The following NPHP4 variants were observed in gnomAD, a reference collection of about 807,000 sequenced individuals.
NPHP4 encodes the protein nephrocystin 4, also known as nephrocystin-4.
NPHP4 carries 151 observed loss-of-function variants against 155.8 expected under a neutral mutation model. That is an observed-to-expected ratio of 0.97 (90% CI 0.85 to 1.11). The LOEUF (loss-of-function observed/expected upper bound fraction) is 1.11, where lower values mean the gene tolerates loss of function less well. Ranked by LOEUF, NPHP4 falls within the 50% of genes least tolerant of loss-of-function variation. The probability of loss-of-function intolerance (pLI) is 0.00; values close to 1 mark genes in which losing one functional copy is unlikely to be tolerated. For missense variants in NPHP4, 1,956 were observed against 1,925.7 expected (o/e 1.02, Z -0.29); for synonymous variants, 845 against 816.8 (o/e 1.03, Z -0.59).
chr1:5,970,043 C>A (rs1475149902), intron 3 of NPHP4, among the ~76,000 whole-genome samples: 7 of 152,158 alleles, frequency 4.6e-5, no homozygotes, highest in East Asian at 1.9e-4. Flanking sequence ...CCAGCCTCTG[C>A]CTCCGCCTTC....
At chr1:5,897,525 C>T (rs996205526) in intron 16 of NPHP4, among the ~76,000 whole-genome samples, 1 of 152,132 alleles carries the variant, frequency 6.6e-6, no homozygotes, top group Non-Finnish European at 1.5e-5. Context: ...CCGTCGCTCC[C>T]GGCATTCAAG....
chr1:5,963,787 A>C (rs1650828755), intron 5 of NPHP4, among the ~76,000 whole-genome samples: 1 of 150,492 alleles, frequency 6.6e-6, no homozygotes, highest in African/African-American at 2.5e-5. Context: ...TCCCGAGTTC[A>C]AGCAATTCTC....
Position 5,890,868 on chromosome 1 carries a change from C to A in NPHP4, c.2304G>T (p.Lys768Asn). ...GCCTGTCCTTCCAGAGAGCCGCTAC[C>A]TTCATCTGGACGGCAGCAGATCCGA... is the stretch of plus-strand genomic sequence containing the variant. The part of the protein sequence containing the change: ...LLIGSAAVQM[K>N]HLLRQGRPAV... The change falls in exon 17 of 30, where the codon AAG becomes AAT. Residue 768 changes from lysine to asparagine, a missense_variant and splice_region_variant. By Grantham distance (94) the Lys-to-Asn change is moderately conservative. Transcript: ENST00000378156. The surrounding 1 kb of genome is among the most constrained non-coding windows in gnomAD (Gnocchi z 4.9). 6.2e-7 allele frequency: 1 copy of A among 1,608,346 alleles called. No individual in the cohort carries two copies. The highest frequency in any genetic ancestry group is 1.1e-5 in the South Asian group (1 of 90,374).
chr1:5,991,020 A>G (rs1436108568), intron 1 of NPHP4, among the ~76,000 whole-genome samples: 1 of 152,162 alleles, frequency 6.6e-6, no homozygotes, highest in Non-Finnish European at 1.5e-5. Context: ...GTGAGCAGCA[A>G]CAGGCCCCCG....
rs552164608 is a variant in NPHP4 at position 5,878,202 on chromosome 1, T to C, written c.2612-904A>G. Among the ~76,000 whole-genome samples the C allele has an allele frequency of 1.6e-4, 24 of 152,320 alleles. 2 individuals carry two copies. Among genetic ancestry groups the C allele is most frequent in the Admixed American group, 6.5e-4 (10 of 15,296 alleles). ...CTCTCCCAGCCTGGTTCCACTTGTA[T>C]GGGGCATGGGCACCCCCTGCAGAAG... On this transcript the variant is annotated intron_variant, in intron 19 of 29. Coordinates refer to ENST00000378156, the MANE Select transcript of NPHP4 (RefSeq NM_015102.5).
At position 5,907,131 on chromosome 1, in the gene NPHP4, G is replaced by T. The variant is rs1205579421; in HGVS notation, c.1595C>A (p.Ala532Asp). 3 of 1,552,678 alleles carry T rather than the reference G, an allele frequency of 1.9e-6. No individual in the cohort carries two copies. The highest frequency in any genetic ancestry group is 2.6e-6 in the Non-Finnish European group (3 of 1,145,360). ...GGCACTTACTGCCTGGGCCGGGGAG[G>T]CCTGAGAGCCATGGGGTAGCTGTGA... ...PTSQLPHGSQ[A>D]SPAQAQEFPL... Residue 532 changes from alanine to aspartate, a missense_variant, in exon 13 of 30, where the codon GCC (alanine) becomes GAC (aspartate). Ala to Asp is a moderately radical substitution (Grantham distance 126). Transcript: ENST00000378156.
chr1:5,895,334 A>T (rs1049058828), intron 16 of NPHP4, among the ~76,000 whole-genome samples: 30 of 4,912 alleles, frequency 6.1e-3, no homozygotes, highest in African/African-American at 0.013. Context: ...AAGTATAATT[A>T]AAAAAAAATA....
chr1:5,927,653 A>T lies in NPHP4; in HGVS notation c.1437T>A (p.Pro479=), dbSNP rs767115144. The T allele has an allele frequency of 6.1e-5, 98 of 1,604,336 alleles. No homozygotes were observed. Among genetic ancestry groups the T allele is most frequent in the Non-Finnish European group, 7.5e-5 (88 of 1,172,382 alleles). The change falls in exon 11 of 30, where the codon CCT becomes CCA. Residue 479 remains proline, a synonymous_variant. Transcript: ENST00000378156. Reference sequence around the variant, plus strand: ...CAGCTCTCTGGAAACACTTACTCGAAGGGGACGTGGGTGGTTTCCTGGAAG... The same window carrying T: ...CAGCTCTCTGGAAACACTTACTCGATGGGGACGTGGGTGGTTTCCTGGAAG... ...RRPSRKPPTS[P]SSPPAPVPRV...
chr1:5,879,019 A>G (rs543084897), intron 19 of NPHP4, among the ~76,000 whole-genome samples: 2 of 152,316 alleles, frequency 1.3e-5, no homozygotes, highest in Non-Finnish European at 2.9e-5. Flanking sequence ...GCCCAGAACA[A>G]CAGACTCTAT....
chr1:5,887,556 C>G, intron 17 of NPHP4, 90 bp from the exon 18 acceptor site: 1 of 1,407,786 alleles, frequency 7.1e-7, no homozygotes, highest in African/African-American at 1.4e-5. Flanking sequence ...CCCAGCCCAG[C>G]AGGAAAGCCA....
chr1:5,904,318 T>C (rs960366419), intron 16 of NPHP4, among the ~76,000 whole-genome samples: 2 of 152,214 alleles, frequency 1.3e-5, no homozygotes, highest in Non-Finnish European at 2.9e-5. Context: ...ACCCCTTAAG[T>C]TTATGTTTTT....
chr1:5,974,218 T>C (rs1224711597), intron 3 of NPHP4, among the ~76,000 whole-genome samples: 1 of 152,192 alleles, frequency 6.6e-6, no homozygotes, highest in Admixed American at 6.5e-5. Flanking sequence ...CACAACCCAA[T>C]CACCTGCATC....
intron 1 of NPHP4, among the ~76,000 whole-genome samples, chr1:5,990,366 G>A (rs1274704401): frequency 6.6e-6 from 1 of 152,016 alleles, no homozygotes; most frequent in Non-Finnish European, 1.5e-5. Flanking sequence ...GGGCCTTTGG[G>A]GCCAAATCAA....
At chr1:5,916,721 C>G (rs1158804148) in intron 11 of NPHP4, among the ~76,000 whole-genome samples, 1 of 152,222 alleles carries the variant, frequency 6.6e-6, no homozygotes. Flanking sequence ...CTTAAGAAGT[C>G]AAGCTAGGCC....
At chr1:5,968,552 T>C (rs553959) in intron 4 of NPHP4, among the ~76,000 whole-genome samples, 143,281 of 151,908 alleles carry the variant, frequency 0.94, 67,685 homozygotes, top group African/African-American at 0.99. Context: ...AGTGAGCCAA[T>C]GTTGCACCAC....
At chr1:5,869,010 TACAC>T (rs138080947) in intron 23 of NPHP4, among the ~76,000 whole-genome samples, 216 of 84,918 alleles carry the variant, frequency 2.5e-3, no homozygotes, top group Middle Eastern at 0.011. Context: ...CACGCACCCA[TACAC>T]ACACACATGC....
At chr1:5,919,908 G>A (rs1645654913) in intron 11 of NPHP4, among the ~76,000 whole-genome samples, 1 of 151,890 alleles carries the variant, frequency 6.6e-6, no homozygotes, top group South Asian at 2.1e-4. Context: ...CCCAGCTACT[G>A]CATGCATTTA....
intron 16 of NPHP4, among the ~76,000 whole-genome samples, chr1:5,893,902 ACT>A (rs1644265863): frequency 6.6e-6 from 1 of 152,060 alleles, no homozygotes; most frequent in African/African-American, 2.4e-5. Context: ...GAAGGCTCAC[ACT>A]CTTGTCTTCT....
intron 9 of NPHP4, among the ~76,000 whole-genome samples, chr1:5,936,959 G>C (rs1646572455): frequency 1.3e-5 from 2 of 152,138 alleles, no homozygotes; most frequent in South Asian, 4.1e-4. Context: ...GCAGGGGAGA[G>C]AGAGACAGAC....
Sources: gnomAD v4.1 joint callset for allele counts (sites outside exome capture counted in the v4.1 genomes callset) on GRCh38, gnomAD v4.1.1 for gene constraint, Gnocchi (gnomAD v3.1) non-coding constraint, MANE v1.5 for transcripts, NCBI Gene and HGNC (gene_info 2026-07-23, HGNC 2026-07-21) for gene names.